Variants in NF1 observed in about 807,000 individuals in gnomAD.
NF1 encodes neurofibromin.
A neutral mutation model predicts 325.7 loss-of-function variants in NF1; 122 were observed. That is an observed-to-expected ratio of 0.37 (90% CI 0.32 to 0.44). NF1 has a LOEUF of 0.44. Among genes scored for constraint, NF1 ranks in the 20% least tolerant of loss-of-function variants. The pLI is 1.00. For missense variants in NF1, 2,140 were observed against 3,415.4 expected (o/e 0.63, Z 9.31); for synonymous variants, 1,091 against 1,186.0 (o/e 0.92, Z 1.65).
At chr17:31,270,900 A>G (rs940571065) in intron 36 of NF1, among the ~76,000 whole-genome samples, 8 of 152,194 alleles carry the variant, frequency 5.3e-5, no homozygotes, top group Non-Finnish European at 7.4e-5. Context: ...TAAAACAAAC[A>G]TATCCCCAGC....
chr17:31,154,238 G>A (rs1028784883), intron 1 of NF1, among the ~76,000 whole-genome samples: 5 of 151,734 alleles, frequency 3.3e-5, no homozygotes, highest in Admixed American at 2.0e-4. Context: ...TGTATTTTTA[G>A]TAGAGACAGG....
At chr17:31,224,670 A>G (rs1456745908) in intron 16 of NF1, among the ~76,000 whole-genome samples, 1 of 152,178 alleles carries the variant, frequency 6.6e-6, no homozygotes, top group African/African-American at 2.4e-5. Flanking sequence ...GTGTATATAC[A>G]TACCAGAGTT....
intron 2 of NF1, among the ~76,000 whole-genome samples, chr17:31,158,408 C>T (rs1364422344): frequency 6.6e-6 from 1 of 152,078 alleles, no homozygotes; most frequent in African/African-American, 2.4e-5. Flanking sequence ...GTGTGTGGGG[C>T]ACAGTTTAGT....
rs201920591 is a variant in NF1, at chr17:31,354,821, C to CA, written c.7616-1631dup. ...TGGGCAGCATAGTCAGACCCTGTCT[C>CA]AAAAAAAACAAAAATCAGGTTTGGA... On this transcript the variant is annotated intron_variant, in intron 51 of 57. Transcript: ENST00000358273. 9.0e-3 allele frequency among the ~76,000 whole-genome samples: 1,357 copies of CA among 151,022 alleles called. 23 individuals carry two copies. Among genetic ancestry groups the CA allele is most frequent in the African/African-American group, 0.03 (1,253 of 41,176 alleles).
At position 31,265,197 on chromosome 17, in the gene NF1, G is replaced by C. The variant is rs371811197; in HGVS notation, c.4725-32G>C. The stretch of plus-strand genomic sequence containing the variant: ...TTACATACTCAGTAGACAACATAAA[G>C]CCTCATAATTACTCTGTTATTTTTC... On this transcript the variant is annotated intron_variant, in intron 35 of 57. Transcript: ENST00000358273. The C allele has an allele frequency of 7.0e-6, 10 of 1,426,102 alleles. No individual in the cohort carries two copies. The African/African-American group carries it at 1.3e-4, about 18-fold the overall frequency. The allele number at this position is 1,426,102 out of a possible 1,614,324, so 88.3% of individuals were successfully genotyped here.
At position 31,336,915 on chromosome 17, in the gene NF1, G is replaced by A. The variant is rs2151555200; in HGVS notation, c.6427+1G>A. 6.2e-7 allele frequency: 1 copy of A among 1,608,236 alleles called. No homozygotes were observed. The highest frequency in any genetic ancestry group is 8.5e-7 in the Non-Finnish European group (1 of 1,179,894). On this transcript the variant is annotated splice_donor_variant, in intron 42 of 57. Coordinates refer to ENST00000358273, the MANE Select transcript of NF1 (RefSeq NM_001042492.3). LOFTEE classifies it high-confidence loss of function. This position sits in a 1 kb window ranked among gnomAD's most constrained non-coding sequence, Gnocchi z 5.5. ...ACTTGTTCACAGCTTCATTTTAGTG[G>A]TAAGTTCTAGGAAAGGAATTTGTGT...
intron 29 of NF1, among the ~76,000 whole-genome samples, chr17:31,244,985 T>C (rs1486495049): frequency 1.3e-5 from 2 of 152,174 alleles, no homozygotes; most frequent in Non-Finnish European, 2.9e-5. Flanking sequence ...CAAATGTTCA[T>C]TGTAGTTCAG....
At chr17:31,356,782 C>T (rs947684756) in intron 52 of NF1, 178 bp from the exon 53 acceptor site, 7 of 1,121,526 alleles carry the variant, frequency 6.2e-6, no homozygotes, top group Admixed American at 2.3e-5. Context: ...TTATATACAG[C>T]ATTGTAAATA....
At position 31,326,017 on chromosome 17, in the gene NF1, A is replaced by G. The variant is rs1555533347; in HGVS notation, c.5033A>G (p.Tyr1678Cys). 2 of 1,614,184 alleles carry G rather than the reference A, an allele frequency of 1.2e-6. No homozygotes were observed. Among genetic ancestry groups the G allele is most frequent in the East Asian group, 2.2e-5 (1 of 44,886 alleles). ...GFAYDNVSAV[Y>C]IYNCNSWVRE... is the part of the protein sequence containing the mutation. ...GCTTACGACAACGTCTCCGCAGTCT[A>G]TATCTATAACTGTAACTCCTGGGTC... is the stretch of plus-strand genomic sequence containing the variant. The change falls in exon 37 of 58, where the codon TAT becomes TGT. Residue 1678 changes from tyrosine (Y) to cysteine (C), a missense_variant. By Grantham distance (194) the Tyr-to-Cys change is radical. Transcript: ENST00000358273.
intron 8 of NF1, among the ~76,000 whole-genome samples, chr17:31,188,035 C>G (rs1414122255): frequency 6.6e-6 from 1 of 152,156 alleles, no homozygotes; most frequent in East Asian, 1.9e-4. Flanking sequence ...TTAGTATTAC[C>G]ATGTATTGCC....
At chr17:31,264,411 CA>C (rs777973376) in intron 35 of NF1, among the ~76,000 whole-genome samples, 284 of 104,762 alleles carry the variant, frequency 2.7e-3, no homozygotes, top group Middle Eastern at 0.012. Context: ...AACTCCATCT[CA>C]AAAAAAAAAA....
chr17:31,129,752 T>G (rs1319937065), intron 1 of NF1, among the ~76,000 whole-genome samples: 1 of 152,216 alleles, frequency 6.6e-6, no homozygotes, highest in African/African-American at 2.4e-5. Context: ...AGAGTGTTTT[T>G]TAGCTGTATG....
intron 5 of NF1, among the ~76,000 whole-genome samples, chr17:31,177,974 C>A (rs2066054494): frequency 6.6e-6 from 1 of 152,088 alleles, no homozygotes; most frequent in African/African-American, 2.4e-5. Flanking sequence ...ACTTCCCCAA[C>A]CTAGCAAGGC....
At chr17:31,151,041 A>T (rs560594427) in intron 1 of NF1, among the ~76,000 whole-genome samples, 2,018 of 102,876 alleles carry the variant, frequency 0.02, 29 homozygotes, top group Non-Finnish European at 0.027. Context: ...TCTCAAAAAA[A>T]AAATAAATAA....
intron 12 of NF1, among the ~76,000 whole-genome samples, chr17:31,209,290 C>G (rs979770121): frequency 6.6e-6 from 1 of 152,182 alleles, no homozygotes; most frequent in African/African-American, 2.4e-5. Context: ...TAAACCTGAG[C>G]CATTAGCTTG....
intron 38 of NF1, 48 bp from the exon 39 acceptor site, chr17:31,330,248 A>G (rs757778910): frequency 1.9e-6 from 3 of 1,575,836 alleles, no homozygotes; most frequent in Non-Finnish European, 2.6e-6. Flanking sequence ...TTTTGGAACT[A>G]TAAGGAAAAA....
chr17:31,311,977 C>T (rs1348488364), intron 36 of NF1, among the ~76,000 whole-genome samples: 1 of 152,042 alleles, frequency 6.6e-6, no homozygotes, highest in East Asian at 1.9e-4. Flanking sequence ...AGTCCTGATT[C>T]TACGAAAACT....
At chr17:31,121,818 C>T (rs534684146) in intron 1 of NF1, among the ~76,000 whole-genome samples, 11 of 152,184 alleles carry the variant, frequency 7.2e-5, no homozygotes, top group Middle Eastern at 3.4e-3. Context: ...CTGCTGGATT[C>T]GGTTTGCCAC....
At chr17:31,371,656 C>T (rs1179596850) in intron 57 of NF1, among the ~76,000 whole-genome samples, 7 of 152,206 alleles carry the variant, frequency 4.6e-5, no homozygotes, top group African/African-American at 1.4e-4. Flanking sequence ...TAGATTAGAA[C>T]ATGACTAGCC....
Sources: allele counts gnomAD v4.1 joint callset (sites outside exome capture counted in the v4.1 genomes callset), GRCh38; gene constraint gnomAD v4.1.1; non-coding constraint Gnocchi (gnomAD v3.1); transcripts MANE v1.5; gene names NCBI Gene and HGNC (gene_info 2026-07-23, HGNC 2026-07-21).